The following MEGF6 variants were observed in gnomAD, a reference collection of about 807,000 sequenced individuals.
MEGF6 encodes the protein multiple epidermal growth factor-like domains protein 6.
In MEGF6, 184 loss-of-function variants were observed where a neutral mutation model predicts 207.1. The ratio of observed to expected loss-of-function variants is 0.89; its 90% CI spans 0.79 to 1.00. The LOEUF (loss-of-function observed/expected upper bound fraction) is 1.00. MEGF6 is among the 50% of genes least tolerant of loss of function. MEGF6 has a pLI of 0.00. For missense variants in MEGF6, 2,282 were observed against 2,202.9 expected, an observed-to-expected ratio of 1.04 and a Z score of -0.72; for synonymous variants, 1,038 against 910.0, an observed-to-expected ratio of 1.14 and a Z score of -2.53.
chr1:3,529,858 G>A (rs1404272353), intron 4 of MEGF6, among the ~76,000 whole-genome samples: 1 of 152,228 alleles, frequency 6.6e-6, no homozygotes. Context: ...GGACTTATAG[G>A]AAACTTGGAG....
chr1:3,595,534 G>A, intron 2 of MEGF6, 87 bp from the exon 3 acceptor site: 2 of 1,188,756 alleles, frequency 1.7e-6, no homozygotes, highest in East Asian at 4.9e-5. Flanking sequence ...GACTGACTCT[G>A]CGTCAGCCGG....
intron 7 of MEGF6, among the ~76,000 whole-genome samples, chr1:3,513,029 G>T (rs1016244473): frequency 8.5e-5 from 13 of 152,102 alleles, no homozygotes; most frequent in Non-Finnish European, 1.5e-4. Context: ...GGCAGAGGGG[G>T]CAGCGGTGTG....
At chr1:3,566,589 C>A (rs919203738) in intron 4 of MEGF6, among the ~76,000 whole-genome samples, 13 of 152,322 alleles carry the variant, frequency 8.5e-5, no homozygotes, top group African/African-American at 2.6e-4. Context: ...CACAGGCAGA[C>A]CTCGAGGACC....
intron 21 of MEGF6, 86 bp downstream of exon 21, chr1:3,500,547 C>T: frequency 4.8e-6 from 7 of 1,462,762 alleles, no homozygotes; most frequent in Non-Finnish European, 6.3e-6. Context: ...GGAGTACGGT[C>T]AAAGGCTTTG....
Position 3,489,101 on chromosome 1 carries a change from C to T in MEGF6, c.*1427G>A, listed in dbSNP as rs1188955061. Among the ~76,000 whole-genome samples, 14 of 152,218 alleles carry T rather than the reference C, an allele frequency of 9.2e-5. No homozygotes were observed. ...ATGCGTTTTCCACACTCCGTCTGCA[C>T]CCCAGTCCGTCTCTCTCTGGCTGCT... On this transcript the variant is annotated 3_prime_UTR_variant, in exon 37 of 37. Coordinates refer to ENST00000356575, the MANE Select transcript of MEGF6 (RefSeq NM_001409.4).
At position 3,567,378 on chromosome 1, in the gene MEGF6, G is replaced by A. The variant is rs773169660; in HGVS notation, c.481+12447C>T. On this transcript the variant is annotated intron_variant, in intron 4 of 36. Transcript: ENST00000356575. The stretch of plus-strand genomic sequence containing the variant: ...CTGGGATCCTCCCCTCCCTACAAAG[G>A]CCCCAGTCTTGGGCATAGCTCCCCA... 8.5e-5 allele frequency among the ~76,000 whole-genome samples: 13 copies of A among 152,316 alleles called. No individual in the cohort carries two copies. In the East Asian group the frequency reaches 9.7e-4, roughly 11 times the overall value.
chr1:3,614,261 C>T (rs930362733), upstream of MEGF6, among the ~76,000 whole-genome samples: 1 of 152,218 alleles, frequency 6.6e-6, no homozygotes, highest in African/African-American at 2.4e-5. Context: ...GTCCTCTGCC[C>T]AGCCTGGTAC....
chr1:3,597,573 G>A (rs1342831545), intron 2 of MEGF6, among the ~76,000 whole-genome samples: 1 of 152,202 alleles, frequency 6.6e-6, no homozygotes, highest in Non-Finnish European at 1.5e-5. Context: ...AGTGGATGGG[G>A]GACCCTAATC....
At chr1:3,618,200 A>C in the MEGF6 span, among the ~76,000 whole-genome samples, 2 of 152,278 alleles carry the variant, frequency 1.3e-5, no homozygotes, top group Middle Eastern at 6.8e-3. This position sits in a 1 kb window ranked among gnomAD's most constrained non-coding sequence, Gnocchi z 4.7. Flanking sequence ...CAGCCCTTGC[A>C]TTTCTCAAGG....
At chr1:3,500,828 G>A (rs1640828276) in intron 20 of MEGF6, 64 bp from the exon 21 acceptor site, 2 of 1,594,322 alleles carry the variant, frequency 1.3e-6, no homozygotes, top group African/African-American at 1.3e-5. Context: ...CCACAGCCGA[G>A]TCAGGCACAG....
intron 35 of MEGF6, among the ~76,000 whole-genome samples, chr1:3,491,700 C>A (rs1214419713): frequency 1.3e-5 from 2 of 151,734 alleles, no homozygotes; most frequent in South Asian, 4.2e-4. Flanking sequence ...CCCGCACAGG[C>A]CCCAAGCCTG....
chr1:3,568,385 G>C (rs1235153483), intron 4 of MEGF6, among the ~76,000 whole-genome samples: 2 of 150,278 alleles, frequency 1.3e-5, no homozygotes, highest in African/African-American at 2.5e-5. Flanking sequence ...CCACATGGGG[G>C]CTTCAGTAGT....
chr1:3,530,146 C>T (rs568280159), intron 4 of MEGF6, among the ~76,000 whole-genome samples: 3 of 152,216 alleles, frequency 2.0e-5, no homozygotes, highest in African/African-American at 2.4e-5. Flanking sequence ...TTGGCTGAGC[C>T]GCCCAGCCGG....
intron 28 of MEGF6, 24 bp from the exon 29 acceptor site, chr1:3,496,807 A>AG (rs1391281082): frequency 3.9e-6 from 6 of 1,549,346 alleles, no homozygotes; most frequent in Admixed American, 2.0e-5. Flanking sequence ...GGCTAGCTGC[A>AG]GGGGCTGGGG....
At chr1:3,616,532 G>A in the MEGF6 span, among the ~76,000 whole-genome samples, 11 of 152,176 alleles carry the variant, frequency 7.2e-5, no homozygotes, top group South Asian at 4.1e-4. Context: ...CACCCAGCAC[G>A]TGCAGGTGAT....
At chr1:3,526,640 C>T (rs1641975029) in intron 4 of MEGF6, among the ~76,000 whole-genome samples, 1 of 152,142 alleles carries the variant, frequency 6.6e-6, no homozygotes, top group African/African-American at 2.4e-5. Context: ...CTCAGGTGAT[C>T]CACCCGCCTT....
chr1:3,595,954 G>A (rs895530204), intron 2 of MEGF6, among the ~76,000 whole-genome samples: 2 of 152,122 alleles, frequency 1.3e-5, no homozygotes, highest in Non-Finnish European at 2.9e-5. Flanking sequence ...TCCATATTTT[G>A]AGTCCATCAG....
chr1:3,523,628 C>T (rs537579843), intron 5 of MEGF6, among the ~76,000 whole-genome samples: 15 of 152,272 alleles, frequency 9.9e-5, no homozygotes, highest in Middle Eastern at 6.8e-3. Flanking sequence ...CCTGGCTCTG[C>T]GGGCGAAGGG....
chr1:3,504,278 A>T (rs1641021662), intron 17 of MEGF6, among the ~76,000 whole-genome samples: 1 of 152,124 alleles, frequency 6.6e-6, no homozygotes, highest in Non-Finnish European at 1.5e-5. Context: ...ATGCCAAGGG[A>T]GGCTCCGACC....
Sources: allele counts gnomAD v4.1 joint callset (sites outside exome capture counted in the v4.1 genomes callset), GRCh38; gene constraint gnomAD v4.1.1; non-coding constraint Gnocchi (gnomAD v3.1); transcripts MANE v1.5; gene names NCBI Gene and HGNC (gene_info 2026-07-23, HGNC 2026-07-21).